Variants in CDH12 observed in about 807,000 individuals in gnomAD.
CDH12 encodes the protein cadherin 12, also known as cadherin-12.
A neutral mutation model predicts 74.1 loss-of-function variants in CDH12; 41 were observed. That is an observed-to-expected ratio of 0.55 (90% CI 0.43 to 0.72). The LOEUF is 0.72. Ranked by LOEUF, CDH12 falls within the 30% of genes least tolerant of loss-of-function variation. The pLI is 0.00. For synonymous variants in CDH12, 399 were observed against 355.0 expected, an observed-to-expected ratio of 1.12 and a Z score of -1.39; for missense variants, 945 against 977.2, an observed-to-expected ratio of 0.97 and a Z score of 0.44.
chr5:21,818,788 A>C (rs1430033099), intron 8 of CDH12, among the ~76,000 whole-genome samples: 1 of 151,962 alleles, frequency 6.6e-6, no homozygotes, highest in Non-Finnish European at 1.5e-5. Context: ...AATGCACTTA[A>C]AAGTTTAAAT....
At chr5:22,580,474 A>T in intron 1 of CDH12, 1 of 503,504 alleles carries the variant, frequency 2.0e-6, no homozygotes, top group Admixed American at 2.1e-5. Flanking sequence ...TGCGTGTCAG[A>T]CAAGTCATAC....
chr5:22,356,011 T>C (rs1740549710), intron 3 of CDH12, among the ~76,000 whole-genome samples: 1 of 152,190 alleles, frequency 6.6e-6, no homozygotes, highest in Admixed American at 6.6e-5. Context: ...AAATCATCCA[T>C]TATTCTTTTA....
chr5:22,805,913 G>T (rs1361507463), intron 1 of CDH12, among the ~76,000 whole-genome samples: 2 of 152,028 alleles, frequency 1.3e-5, no homozygotes, highest in African/African-American at 2.4e-5. Context: ...GCGGTGTTTG[G>T]TTTTCTGTTC....
Position 22,736,503 on chromosome 5 carries a change from GCA to G in CDH12, c.-523+116553_-523+116554del, listed in dbSNP as rs571041260. 2.7e-3 allele frequency among the ~76,000 whole-genome samples: 407 copies of G among 151,556 alleles called. 4 individuals are homozygous for G. Among genetic ancestry groups the G allele is most frequent in the African/African-American group, 9.6e-3 (396 of 41,368 alleles). On this transcript the variant is annotated intron_variant, in intron 1 of 14. Transcript: ENST00000382254. The stretch of plus-strand genomic sequence containing the variant: ...ATGCTGTTAATAGCATTCTTTATAT[GCA>G]CACACATCTGTGATGTTATTGGAAG...
chr5:22,577,367 C>CT (rs1050695422), intron 1 of CDH12, among the ~76,000 whole-genome samples: 9 of 151,550 alleles, frequency 5.9e-5, no homozygotes, highest in African/African-American at 1.5e-4. Context: ...ACATCCTTTT[C>CT]TTTTTTTTTC....
chr5:22,147,272 C>T (rs1747249703), intron 4 of CDH12, among the ~76,000 whole-genome samples: 1 of 152,234 alleles, frequency 6.6e-6, no homozygotes, highest in Admixed American at 6.6e-5. Flanking sequence ...TCACATTGGG[C>T]ATTTGTCTCT....
At chr5:21,908,643 C>T (rs924701566) in intron 6 of CDH12, among the ~76,000 whole-genome samples, 3 of 152,192 alleles carry the variant, frequency 2.0e-5, no homozygotes, top group Admixed American at 6.5e-5. Context: ...GTCACATCAT[C>T]AAACCCCACA....
chr5:22,558,843 AAAG>A (rs1393472509), intron 1 of CDH12, among the ~76,000 whole-genome samples: 2 of 152,098 alleles, frequency 1.3e-5, no homozygotes, highest in South Asian at 2.1e-4. Context: ...ATGTGCTTTG[AAAG>A]AAGAAGGGAA....
intron 1 of CDH12, among the ~76,000 whole-genome samples, chr5:22,755,337 T>C (rs1001412222): frequency 6.6e-6 from 1 of 152,188 alleles, no homozygotes; most frequent in African/African-American, 2.4e-5. Flanking sequence ...TATATCATGT[T>C]AGTTTCCTGT....
At chr5:22,697,864 G>A (rs1471479153) in intron 1 of CDH12, among the ~76,000 whole-genome samples, 1 of 152,010 alleles carries the variant, frequency 6.6e-6, no homozygotes, top group Non-Finnish European at 1.5e-5. Flanking sequence ...CTCTGCATGT[G>A]CACGAAGAAG....
chr5:22,273,687 C>A (rs546546165), intron 3 of CDH12, among the ~76,000 whole-genome samples: 1 of 152,126 alleles, frequency 6.6e-6, no homozygotes, highest in Non-Finnish European at 1.5e-5. Context: ...TCAGACTGAG[C>A]TGGTAAAGTT....
At chr5:22,325,571 T>TC (rs11381564) in intron 3 of CDH12, among the ~76,000 whole-genome samples, 91,496 of 151,932 alleles carry the variant, frequency 0.6, 28,454 homozygotes, top group South Asian at 0.76. Context: ...GAATCATTTC[T>TC]TTGTGTAAGT....
chr5:21,998,413 A>G (rs866584959), intron 5 of CDH12, among the ~76,000 whole-genome samples: 616 of 152,192 alleles, frequency 4.0e-3, no homozygotes, highest in African/African-American at 0.014. Flanking sequence ...GATCATGTGT[A>G]GTTTTATCTA....
intron 6 of CDH12, among the ~76,000 whole-genome samples, chr5:21,952,870 A>G (rs1427330372): frequency 1.3e-5 from 2 of 151,536 alleles, no homozygotes. Context: ...TTGCTTTCCA[A>G]CCTGACTCTG....
intron 1 of CDH12, among the ~76,000 whole-genome samples, chr5:22,588,023 A>G (rs1740500062): frequency 6.7e-6 from 1 of 149,410 alleles, no homozygotes; most frequent in Admixed American, 6.7e-5. Flanking sequence ...ATATATCCAT[A>G]TTATATATAT....
intron 1 of CDH12, among the ~76,000 whole-genome samples, chr5:22,713,306 G>T (rs74591427): frequency 6.6e-6 from 1 of 151,356 alleles, no homozygotes; most frequent in African/African-American, 2.4e-5. Context: ...ATGCCCCACT[G>T]ATTTTTTTGT....
chr5:22,351,526 G>C (rs771121812), intron 3 of CDH12, among the ~76,000 whole-genome samples: 2 of 152,090 alleles, frequency 1.3e-5, no homozygotes, highest in Non-Finnish European at 2.9e-5. Context: ...TTTCAAAATG[G>C]TATGTCATCT....
chr5:22,149,940 G>A (rs2150308311), intron 4 of CDH12, among the ~76,000 whole-genome samples: 1 of 152,244 alleles, frequency 6.6e-6, no homozygotes, highest in Non-Finnish European at 1.5e-5. Flanking sequence ...GTTGCAATGA[G>A]CCAAGATCAT....
intron 1 of CDH12, among the ~76,000 whole-genome samples, chr5:22,852,732 T>C (rs1038066336): frequency 1.3e-5 from 2 of 152,206 alleles, no homozygotes; most frequent in Non-Finnish European, 2.9e-5. Flanking sequence ...ATAAAATAAC[T>C]AGTTGGACAT....
Sources: allele counts gnomAD v4.1 joint callset (sites outside exome capture counted in the v4.1 genomes callset), GRCh38; gene constraint gnomAD v4.1.1; transcripts MANE v1.5; gene names NCBI Gene and HGNC (gene_info 2026-07-23, HGNC 2026-07-21).